DYNC2H1: variants seen among roughly 807,000 people sequenced by gnomAD.
The protein encoded by DYNC2H1 is cytoplasmic dynein 2 heavy chain 1.
DYNC2H1 carries 410 observed loss-of-function variants against 570.0 expected under a neutral mutation model. That is an observed-to-expected ratio of 0.72 (90% CI 0.66 to 0.78). The LOEUF is 0.78. Ranked by LOEUF, DYNC2H1 falls within the 30% of genes least tolerant of loss-of-function variation. DYNC2H1 has a pLI of 0.00. For missense variants in DYNC2H1, 4,865 were observed against 5,046.4 expected (o/e 0.96, Z 1.09); for synonymous variants, 1,688 against 1,677.6 (o/e 1.01, Z -0.15).
chr11:103,135,671 G>A (rs977961770), intron 16 of DYNC2H1, 37 bp downstream of exon 16: 7 of 1,607,024 alleles, frequency 4.4e-6, no homozygotes, highest in African/African-American at 2.7e-5. Flanking sequence ...AATGTTCATT[G>A]TATAATTTTC....
intron 79 of DYNC2H1, among the ~76,000 whole-genome samples, chr11:103,312,405 AGTG>A (rs1744812574): frequency 7.0e-6 from 1 of 142,748 alleles, no homozygotes; most frequent in Non-Finnish European, 1.5e-5. Context: ...AAAAAAAAGT[AGTG>A]GCACACGCCT....
intron 84 of DYNC2H1, chr11:103,404,181 G>A (rs1942766196): frequency 6.6e-6 from 1 of 151,768 alleles, no homozygotes. Flanking sequence ...GACATACAGG[G>A]TTTAACCTAT....
intron 85 of DYNC2H1, among the ~76,000 whole-genome samples, chr11:103,453,760 CTG>C (rs771849924): frequency 3.7e-4 from 56 of 151,096 alleles, no homozygotes; most frequent in Non-Finnish European, 5.8e-4. Context: ...TTTAAAATAA[CTG>C]TTATAAAATA....
chr11:103,134,305 C>G lies in DYNC2H1; in HGVS notation c.2107-16C>G. 3.7e-6 allele frequency: 6 copies of G among 1,610,082 alleles called. No individual in the cohort carries two copies. Among genetic ancestry groups the G allele is most frequent in the Non-Finnish European group, 5.1e-6 (6 of 1,176,908 alleles). On this transcript the variant is annotated splice_polypyrimidine_tract_variant and intron_variant, in intron 14 of 88. Transcript: ENST00000375735. ...CCAGCAATACTTTGAGACTAGCATG[C>G]TCTAATTTTTCATAGGTGGTTGTTC...
At chr11:103,176,851 G>A (rs764023055) in intron 37 of DYNC2H1, among the ~76,000 whole-genome samples, 11 of 151,900 alleles carry the variant, frequency 7.2e-5, no homozygotes, top group Non-Finnish European at 1.3e-4. Context: ...GATTACAGGT[G>A]CACACCACCA....
At chr11:103,323,832 G>T in intron 81 of DYNC2H1, 54 bp from the exon 82 acceptor site, 1 of 1,303,338 alleles carries the variant, frequency 7.7e-7, no homozygotes, top group Non-Finnish European at 1.1e-6. Context: ...TTCAATGATT[G>T]TAAGTTCAAT....
chr11:103,336,845 T>C (rs1939159285), intron 82 of DYNC2H1, among the ~76,000 whole-genome samples: 1 of 152,146 alleles, frequency 6.6e-6, no homozygotes, highest in Non-Finnish European at 1.5e-5. Context: ...TTGCTGGTAA[T>C]AAACACAGGA....
At chr11:103,387,352 G>T (rs1047330781) in intron 83 of DYNC2H1, among the ~76,000 whole-genome samples, 1 of 152,024 alleles carries the variant, frequency 6.6e-6, no homozygotes, top group Non-Finnish European at 1.5e-5. Context: ...GGGGTTCTTT[G>T]TTTTTCTCTT....
chr11:103,429,870 A>G (rs647590), intron 84 of DYNC2H1, among the ~76,000 whole-genome samples: 84,360 of 151,884 alleles, frequency 0.56, 24,064 homozygotes, highest in East Asian at 0.72. Flanking sequence ...GTCTTTTTTC[A>G]CACATCATAA....
rs1865080666 is a variant in DYNC2H1 at position 103,256,942 on chromosome 11, A to G, written c.10462-666A>G. ...AATACTAGTGCTGTTGGTCCTCATT[A>G]AGACCAATCTGTGAACCACTTCTAG... On this transcript the variant is annotated intron_variant, in intron 68 of 88. Coordinates refer to ENST00000375735, the MANE Select transcript of DYNC2H1 (RefSeq NM_001377.3). This position sits in a 1 kb window ranked among gnomAD's most constrained non-coding sequence, Gnocchi z 4.0. 6.6e-6 allele frequency among the ~76,000 whole-genome samples: 1 copy of G among 152,186 alleles called. No homozygotes were observed. The highest frequency in any genetic ancestry group is 2.4e-5 in the African/African-American group (1 of 41,442).
chr11:103,402,468 C>T (rs1298213733), intron 84 of DYNC2H1: 1 of 151,966 alleles, frequency 6.6e-6, no homozygotes, highest in East Asian at 1.9e-4. Flanking sequence ...TTAAAAGAGT[C>T]ATAGAGTTGA....
chr11:103,479,003 A>G, intron 88 of DYNC2H1, 92 bp from the exon 89 acceptor site: 1 of 1,347,134 alleles, frequency 7.4e-7, no homozygotes, highest in Non-Finnish European at 1.0e-6. Context: ...ATTTCATAAT[A>G]TAATATTAAT....
In DYNC2H1 at chr11:103,239,384, A is replaced by T. The variant is rs950266919; in HGVS notation, c.9819+2845A>T. On this transcript the variant is annotated intron_variant, in intron 63 of 88. Coordinates refer to ENST00000375735, the MANE Select transcript of DYNC2H1 (RefSeq NM_001377.3). The surrounding 1 kb of genome is among the most constrained non-coding windows in gnomAD (Gnocchi z 4.3). Reference sequence around the variant, plus strand: ...CAATCCTTACATAAGTAATAACAATAATCAATACTTGCGTATTACTTACCA... The same window carrying T: ...CAATCCTTACATAAGTAATAACAATTATCAATACTTGCGTATTACTTACCA... 3.3e-5 allele frequency among the ~76,000 whole-genome samples: 5 copies of T among 152,210 alleles called. No individual in the cohort carries two copies. The highest frequency in any genetic ancestry group is 2.0e-4 in the Admixed American group (3 of 15,260).
intron 84 of DYNC2H1, among the ~76,000 whole-genome samples, chr11:103,411,026 G>A (rs1015684493): frequency 6.6e-6 from 1 of 152,094 alleles, no homozygotes; most frequent in Non-Finnish European, 1.5e-5. Context: ...ATGCTTGCAT[G>A]TGTAAAGACC....
intron 70 of DYNC2H1, among the ~76,000 whole-genome samples, chr11:103,269,065 G>A (rs1254148538): frequency 6.6e-6 from 1 of 152,110 alleles, no homozygotes; most frequent in African/African-American, 2.4e-5. Flanking sequence ...TAGGACAGAC[G>A]TTGAGAGGCT....
chr11:103,436,349 G>A (rs1944059835), intron 85 of DYNC2H1, among the ~76,000 whole-genome samples: 1 of 151,860 alleles, frequency 6.6e-6, no homozygotes, highest in African/African-American at 2.4e-5. Context: ...TTTGCCTTAG[G>A]GAGCTCCCTA....
Position 103,447,604 on chromosome 11 carries a change from T to C in DYNC2H1, c.12457-7582T>C, listed in dbSNP as rs11225804. Among the ~76,000 whole-genome samples the C allele has an allele frequency of 4.4e-4, 67 of 152,274 alleles. 1 individual carries two copies. The East Asian group carries it at 0.012, about 28-fold the overall frequency. On this transcript the variant is annotated intron_variant, in intron 85 of 88. Coordinates refer to ENST00000375735, the MANE Select transcript of DYNC2H1 (RefSeq NM_001377.3). ...TCATGCCATTACCACATTCATCAAATTCATAGAAGTTACTTTGTCCCAGAA... is the reference window on the plus strand; with the variant it reads ...TCATGCCATTACCACATTCATCAAACTCATAGAAGTTACTTTGTCCCAGAA...
At chr11:103,257,346 A>G (rs1220965211) in intron 68 of DYNC2H1, among the ~76,000 whole-genome samples, 1 of 152,198 alleles carries the variant, frequency 6.6e-6, no homozygotes. Flanking sequence ...GAACGAGTTT[A>G]GTGTATTTTG....
intron 83 of DYNC2H1, among the ~76,000 whole-genome samples, chr11:103,391,136 A>G (rs911321746): frequency 3.3e-5 from 5 of 152,204 alleles, no homozygotes; most frequent in Non-Finnish European, 7.3e-5. Context: ...AGGTACGCCA[A>G]TCAGACGTAG....
Sources: gnomAD v4.1 joint callset for allele counts (sites outside exome capture counted in the v4.1 genomes callset) on GRCh38, gnomAD v4.1.1 for gene constraint, Gnocchi (gnomAD v3.1) non-coding constraint, MANE v1.5 for transcripts, NCBI Gene and HGNC (gene_info 2026-07-23, HGNC 2026-07-21) for gene names.